The following SLC9A9 variants were observed in gnomAD, a reference collection of about 807,000 sequenced individuals.
The protein encoded by SLC9A9 is sodium/hydrogen exchanger 9.
SLC9A9 carries 62 observed loss-of-function variants against 77.8 expected under a neutral mutation model. The observed-to-expected ratio is 0.80, with a 90% CI of 0.65 to 0.98. The LOEUF is 0.98. Among genes scored for constraint, SLC9A9 ranks in the 50% least tolerant of loss-of-function variants. SLC9A9 has a pLI of 0.00. For missense variants in SLC9A9, 775 were observed against 774.9 expected, an observed-to-expected ratio of 1.00 and a Z score of 0.00; for synonymous variants, 320 against 283.5, an observed-to-expected ratio of 1.13 and a Z score of -1.29.
chr3:143,393,034 A>T (rs1164697914), intron 12 of SLC9A9, among the ~76,000 whole-genome samples: 1 of 152,208 alleles, frequency 6.6e-6, no homozygotes, highest in Non-Finnish European at 1.5e-5. Flanking sequence ...TAGACAGATA[A>T]ATGAGACAGA....
intron 13 of SLC9A9, chr3:143,372,025 C>G (rs1430972458): frequency 2.4e-6 from 1 of 424,332 alleles, no homozygotes; most frequent in African/African-American, 2.1e-5. Flanking sequence ...GGTGAAAGAT[C>G]TCTATGAGTA....
At chr3:143,796,785 T>G (rs2008397050) in intron 3 of SLC9A9, 41 bp downstream of exon 3, 1 of 1,429,218 alleles carries the variant, frequency 7.0e-7, no homozygotes, top group African/African-American at 1.4e-5. Flanking sequence ...TAAAATTCTC[T>G]ACTTAATGAT....
chr3:143,818,026 T>C (rs1292408670), intron 2 of SLC9A9, among the ~76,000 whole-genome samples: 2 of 152,218 alleles, frequency 1.3e-5, no homozygotes, highest in South Asian at 2.1e-4. Context: ...TGATTTAAGC[T>C]ACACAGAAAA....
chr3:143,682,874 T>C (rs1396021296), intron 5 of SLC9A9, among the ~76,000 whole-genome samples: 2 of 152,200 alleles, frequency 1.3e-5, no homozygotes, highest in African/African-American at 2.4e-5. Context: ...CAGAGACCCA[T>C]GTGATTAAAC....
chr3:143,692,437 C>T lies in SLC9A9; in HGVS notation c.649+755G>A, dbSNP rs113035680. ...ATTTACAAAGAAAATAATATGATTGCTAGAATTTGCTTTAACATAATCCAG... is the reference window on the plus strand; with the variant it reads ...ATTTACAAAGAAAATAATATGATTGTTAGAATTTGCTTTAACATAATCCAG... On this transcript the variant is annotated intron_variant, in intron 5 of 15. Transcript: ENST00000316549. Among the ~76,000 whole-genome samples, 792 of 152,184 alleles carry T rather than the reference C, an allele frequency of 5.2e-3. 3 individuals carry two copies. The highest frequency in any genetic ancestry group is 0.011 in the Admixed American group (164 of 15,264).
intron 12 of SLC9A9, among the ~76,000 whole-genome samples, chr3:143,413,153 G>C (rs1168167892): frequency 6.6e-6 from 1 of 152,168 alleles, no homozygotes; most frequent in Admixed American, 6.6e-5. Context: ...CTCTATAGCT[G>C]CTGAATTTCA....
chr3:143,723,080 C>G (rs1426680107), intron 4 of SLC9A9, among the ~76,000 whole-genome samples: 1 of 152,150 alleles, frequency 6.6e-6, no homozygotes, highest in Non-Finnish European at 1.5e-5. Flanking sequence ...CCTAGTCAAC[C>G]CAACAGGCTG....
chr3:143,609,578 A>G (rs1160832564), intron 6 of SLC9A9, among the ~76,000 whole-genome samples: 1 of 152,102 alleles, frequency 6.6e-6, no homozygotes, highest in African/African-American at 2.4e-5. Context: ...AAAGTGGAAG[A>G]CTTTTCCTCC....
At chr3:143,463,970 TGTGGTA>T (rs993335603) in intron 12 of SLC9A9, among the ~76,000 whole-genome samples, 4 of 152,334 alleles carry the variant, frequency 2.6e-5, no homozygotes, top group African/African-American at 9.6e-5. Context: ...TGCATCCTAC[TGTGGTA>T]GTTTGCAGCT....
At chr3:143,718,395 G>T (rs1020292166) in intron 4 of SLC9A9, among the ~76,000 whole-genome samples, 12 of 152,170 alleles carry the variant, frequency 7.9e-5, no homozygotes, top group African/African-American at 2.9e-4. Flanking sequence ...TGATTTTTTT[G>T]AAACAGTATC....
At chr3:143,537,597 A>C (rs1355753586) in intron 9 of SLC9A9, among the ~76,000 whole-genome samples, 2 of 152,236 alleles carry the variant, frequency 1.3e-5, no homozygotes, top group Non-Finnish European at 2.9e-5. Context: ...ATTAGCAGGA[A>C]GGTACTTCAT....
chr3:143,508,029 A>T (rs1324736181), intron 9 of SLC9A9, among the ~76,000 whole-genome samples: 1 of 152,224 alleles, frequency 6.6e-6, no homozygotes, highest in South Asian at 2.1e-4. Flanking sequence ...AGGTTTCAAC[A>T]TGGGGGATAC....
intron 4 of SLC9A9, among the ~76,000 whole-genome samples, chr3:143,767,961 GTTTGC>G (rs2007378920): frequency 9.3e-6 from 1 of 107,612 alleles, no homozygotes; most frequent in Admixed American, 8.0e-5. Flanking sequence ...AAATGCTAAT[GTTTGC>G]TTTGCTGTTA....
In SLC9A9 at chr3:143,553,367, G is replaced by A. The variant is rs374134846; in HGVS notation, c.1001-917C>T. ...GGGTTAAAGATTAGCTCAATTGTGG[G>A]AAATTGGGCATAGAGGAGGGCTTTG... On this transcript the variant is annotated intron_variant, in intron 8 of 15. Transcript: ENST00000316549. 5.3e-5 allele frequency among the ~76,000 whole-genome samples: 8 copies of A among 152,300 alleles called. 1 individual carries two copies. The East Asian group carries it at 5.8e-4, about 11-fold the overall frequency.
intron 4 of SLC9A9, among the ~76,000 whole-genome samples, chr3:143,759,537 G>A (rs559117116): frequency 5.3e-5 from 8 of 152,210 alleles, no homozygotes; most frequent in African/African-American, 1.7e-4. Flanking sequence ...AATAGAAAGT[G>A]AGCCCTCTCT....
intron 9 of SLC9A9, among the ~76,000 whole-genome samples, chr3:143,512,409 C>T (rs966257661): frequency 6.6e-6 from 1 of 152,154 alleles, no homozygotes; most frequent in Non-Finnish European, 1.5e-5. Flanking sequence ...AAAGAGAATA[C>T]TTAAACTACA....
chr3:143,574,240 A>G, intron 7 of SLC9A9, 47 bp from the exon 8 acceptor site: 1 of 1,450,094 alleles, frequency 6.9e-7, no homozygotes, highest in South Asian at 1.2e-5. Context: ...TTACAGCTAC[A>G]TCTCCTTCTT....
At chr3:143,587,180 C>T (rs753185175) in intron 6 of SLC9A9, among the ~76,000 whole-genome samples, 1 of 152,200 alleles carries the variant, frequency 6.6e-6, no homozygotes, top group Non-Finnish European at 1.5e-5. Flanking sequence ...TTGATTCATT[C>T]CATCCACAAA....
At chr3:143,385,893 G>A (rs927898362) in intron 12 of SLC9A9, among the ~76,000 whole-genome samples, 9 of 152,116 alleles carry the variant, frequency 5.9e-5, no homozygotes, top group African/African-American at 1.7e-4. Context: ...CTGAGCCCCA[G>A]CACCAAATAC....
Sources: gnomAD v4.1 joint callset for allele counts (sites outside exome capture counted in the v4.1 genomes callset) on GRCh38, gnomAD v4.1.1 for gene constraint, MANE v1.5 for transcripts, NCBI Gene and HGNC (gene_info 2026-07-23, HGNC 2026-07-21) for gene names.